The following TPRG1L variants were observed in gnomAD, a reference collection of about 807,000 sequenced individuals.
The protein encoded by TPRG1L is tumor protein p63-regulated gene 1-like protein.
A neutral mutation model predicts 29.4 loss-of-function variants in TPRG1L; 25 were observed. The observed-to-expected ratio is 0.85, with a 90% CI of 0.62 to 1.19. The LOEUF is 1.19. Ranked by LOEUF, TPRG1L falls within the 50% of genes most tolerant of loss-of-function variation. TPRG1L has a pLI of 0.00. For synonymous variants in TPRG1L, 182 were observed against 151.1 expected (o/e 1.20, Z -1.50); for missense variants, 354 against 364.4 (o/e 0.97, Z 0.23).
rs138491149 is a variant in TPRG1L at position 3,625,492 on chromosome 1, C to T, written c.270C>T (p.Ile90=). ...TGCGGCCCGTGGAGGACGGCGAGAT[C>T]CAGGGAGTGTGGCTGCTTACCGAGT... The part of the protein sequence containing the change: ...VVVRPVEDGE[I]QGVWLLTEVD... Residue 90 remains isoleucine (I), a synonymous_variant, in exon 2 of 5, where the codon ATC becomes ATT. Coordinates refer to ENST00000378344, the MANE Select transcript of TPRG1L (RefSeq NM_182752.4). 1.2e-6 allele frequency: 2 copies of T among 1,606,858 alleles called. No individual in the cohort carries two copies. Among genetic ancestry groups the T allele is most frequent in the African/African-American group, 1.3e-5 (1 of 75,014 alleles).
chr1:3,625,179 CG>C lies in TPRG1L; in HGVS notation c.112del (p.Ala38ArgfsTer98). The C allele has an allele frequency of 1.6e-6, 2 of 1,241,094 alleles. No individual in the cohort carries two copies. Among genetic ancestry groups the C allele is most frequent in the Non-Finnish European group, 2.0e-6 (2 of 991,290 alleles). 76.9% of individuals were successfully genotyped at this position (1,241,094 alleles called of 1,614,324 possible). ...GGCGGCGGCCCGGGCGGGGGGCGGCCGGGGGCGGGGACGCCGCTGCGCCAGA... is the reference window on the plus strand; with the variant it reads ...GGCGGCGGCCCGGGCGGGGGGCGGCCGGGGCGGGGACGCCGCTGCGCCAGA... ...GAGGGPGGGR[P>X]GAGTPLRQTL... On this transcript the variant is annotated frameshift_variant, in exon 1 of 5. Coordinates refer to ENST00000378344, the MANE Select transcript of TPRG1L (RefSeq NM_182752.4). LOFTEE classifies it high-confidence loss of function.
rs369478316 is a variant in TPRG1L, at chr1:3,628,538, A to T, written c.754A>T (p.Met252Leu). 9.3e-6 allele frequency: 15 copies of T among 1,613,406 alleles called. No homozygotes were observed. Among genetic ancestry groups the T allele is most frequent in the African/African-American group, 1.3e-5 (1 of 74,790 alleles). The change falls in exon 5 of 5, where the codon ATG (methionine) becomes TTG (leucine). Residue 252 changes from methionine to leucine, a missense_variant. Met to Leu is a conservative substitution (Grantham distance 15, BLOSUM62 2). Coordinates refer to ENST00000378344, the MANE Select transcript of TPRG1L (RefSeq NM_182752.4). ...PLLIETYVGLMSFINNEAKLG... is the reference protein window; with the variant it reads ...PLLIETYVGLLSFINNEAKLG... ...GCTCATCGAGACCTACGTGGGACTCATGTCCTTCATTAACAACGAGGCGAA... is the reference window on the plus strand; with the variant it reads ...GCTCATCGAGACCTACGTGGGACTCTTGTCCTTCATTAACAACGAGGCGAA...
intron 3 of TPRG1L, 140 bp from the exon 4 acceptor site, chr1:3,627,360 C>T: frequency 3.5e-6 from 3 of 857,332 alleles, no homozygotes; most frequent in Admixed American, 5.0e-5. Flanking sequence ...AGCCGTTTTC[C>T]ATTGTGATAT....
chr1:3,628,848 C>G lies in TPRG1L; in HGVS notation c.*245C>G. The G allele has an allele frequency of 5.0e-6, 2 of 398,716 alleles. No homozygotes were observed. Among genetic ancestry groups the G allele is most frequent in the Admixed American group, 8.0e-5 (2 of 24,870 alleles). 24.7% of individuals were successfully genotyped at this position (398,716 alleles called of 1,614,324 possible). On this transcript the variant is annotated 3_prime_UTR_variant, in exon 5 of 5. Transcript: ENST00000378344. ...AGCTACAGACAAAAGCCAAAAGACTCTCGCTGTCCCTGTGCTGCTGGTATT... is the reference window on the plus strand; with the variant it reads ...AGCTACAGACAAAAGCCAAAAGACTGTCGCTGTCCCTGTGCTGCTGGTATT...
Position 3,625,873 on chromosome 1 carries a change from C to T in TPRG1L, c.454C>T (p.Pro152Ser), listed in dbSNP as rs1644484306. 1 of 1,611,548 alleles carries T rather than the reference C, an allele frequency of 6.2e-7. No individual in the cohort carries two copies. Among genetic ancestry groups the T allele is most frequent in the Non-Finnish European group, 8.5e-7 (1 of 1,179,606 alleles). ...TTCCTACGGAGAATTCCAGTTTCCC[C>T]CTAAATCGCTCAACAAGTAAGCCTG... The part of the protein sequence containing the change: ...TISYGEFQFP[P>S]KSLNKREGFG... Residue 152 changes from proline to serine, a missense_variant, in exon 3 of 5, where the codon CCT becomes TCT. By Grantham distance (74) the Pro-to-Ser change is moderately conservative. Transcript: ENST00000378344.
Position 3,626,711 on chromosome 1 carries a change from T to G in TPRG1L, c.471-789T>G, listed in dbSNP as rs111637281. Among the ~76,000 whole-genome samples the G allele has an allele frequency of 6.2e-3, 947 of 151,708 alleles. 8 individuals are homozygous for G. Among genetic ancestry groups the G allele is most frequent in the African/African-American group, 0.022 (911 of 41,334 alleles). Reference sequence around the variant, plus strand: ...CTCTCACCTCAGCCTCCCAAGTAGCTAGGACTACAGGTGCCCGCCACCACA... The same window carrying G: ...CTCTCACCTCAGCCTCCCAAGTAGCGAGGACTACAGGTGCCCGCCACCACA... On this transcript the variant is annotated intron_variant, in intron 3 of 4. Transcript: ENST00000378344.
rs1181234217 is a variant in TPRG1L, at chr1:3,629,881, A to C, written c.*1278A>C. The C allele has an allele frequency of 6.6e-6, 1 of 152,182 alleles. No homozygotes were observed. Among genetic ancestry groups the C allele is most frequent in the East Asian group, 1.9e-4 (1 of 5,176 alleles). The allele number at this position is 152,182 out of a possible 1,614,324, so 9.4% of individuals were successfully genotyped here. A position where few individuals can be genotyped will look rare whatever the true frequency, so the allele number is the denominator to read the frequency against. ...CCCACGCACCTCCCTGTATCTGCGCAGCTTGCTCGTGTGGCTGGAAGCGCT... is the reference window on the plus strand; with the variant it reads ...CCCACGCACCTCCCTGTATCTGCGCCGCTTGCTCGTGTGGCTGGAAGCGCT... On this transcript the variant is annotated 3_prime_UTR_variant, in exon 5 of 5. Transcript: ENST00000378344.
In TPRG1L at chr1:3,625,412, C is replaced by T. The variant is rs1487513897; in HGVS notation, c.202-12C>T. On this transcript the variant is annotated splice_polypyrimidine_tract_variant and intron_variant, in intron 1 of 4. Transcript: ENST00000378344. ...ATCTTTGCCCCCGTCCCCCACCCCG[C>T]AACCCGCCCAGCCCGGCAGCATCGA... 1.3e-6 allele frequency: 2 copies of T among 1,580,482 alleles called. No individual in the cohort carries two copies. The highest frequency in any genetic ancestry group is 1.7e-6 in the Non-Finnish European group (2 of 1,164,582).
chr1:3,625,284 G>A lies in TPRG1L; in HGVS notation c.201+11G>A. The A allele has an allele frequency of 2.1e-6, 3 of 1,418,814 alleles. No homozygotes were observed. The highest frequency in any genetic ancestry group is 2.8e-5 in the East Asian group (1 of 35,088). 87.9% of individuals were successfully genotyped at this position (1,418,814 alleles called of 1,614,324 possible). On this transcript the variant is annotated intron_variant, in intron 1 of 4. Transcript: ENST00000378344. ...TACTTCGTGTTCCGGGTGAGGCAGG[G>A]GCCAGGGCCGGGGCGGGGGCCGAGG... is the stretch of plus-strand genomic sequence containing the variant.
At position 3,628,743 on chromosome 1, in the gene TPRG1L, C is replaced by G; in HGVS notation, c.*140C>G. ...TGCTGCTGGAAGGATGGGGATCTTT[C>G]ACCTTTAGGGATCTCAGCACAATTA... On this transcript the variant is annotated 3_prime_UTR_variant, in exon 5 of 5. Coordinates refer to ENST00000378344, the MANE Select transcript of TPRG1L (RefSeq NM_182752.4). 1.3e-6 allele frequency: 1 copy of G among 753,796 alleles called. No individual in the cohort carries two copies. Among genetic ancestry groups the G allele is most frequent in the Non-Finnish European group, 2.1e-6 (1 of 476,626 alleles). The allele number at this position is 753,796 out of a possible 1,614,324, so 46.7% of individuals were successfully genotyped here.
Position 3,625,156 on chromosome 1 carries a change from C to T in TPRG1L, c.84C>T (p.Gly28=), listed in dbSNP as rs1644473611. The change falls in exon 1 of 5, where the codon GGC becomes GGT. Residue 28 remains glycine, a synonymous_variant. Coordinates refer to ENST00000378344, the MANE Select transcript of TPRG1L (RefSeq NM_182752.4). The stretch of plus-strand genomic sequence containing the variant: ...CGGCCGGCGAGGAGGTGGGGGCAGG[C>T]GGCGGCCCGGGCGGGGGGCGGCCGG... ...VLAAGEEVGA[G]GGPGGGRPGA... 8.1e-7 allele frequency: 1 copy of T among 1,234,752 alleles called. No individual in the cohort carries two copies. Among genetic ancestry groups the T allele is most frequent in the Non-Finnish European group, 1.0e-6 (1 of 985,956 alleles). 76.5% of individuals were successfully genotyped at this position (1,234,752 alleles called of 1,614,324 possible).
intron 4 of TPRG1L, 45 bp downstream of exon 4, chr1:3,627,698 G>A: frequency 6.2e-7 from 1 of 1,607,982 alleles, no homozygotes; most frequent in Non-Finnish European, 8.5e-7. Flanking sequence ...CGCAGTGATG[G>A]AAACACCCCC....
In TPRG1L at chr1:3,628,717, C is replaced by A; in HGVS notation, c.*114C>A. ...GCCTGGCAGTCTTCATGCTGCCCTG[C>A]TGCTGCTGGAAGGATGGGGATCTTT... On this transcript the variant is annotated 3_prime_UTR_variant, in exon 5 of 5. Coordinates refer to ENST00000378344, the MANE Select transcript of TPRG1L (RefSeq NM_182752.4). The A allele has an allele frequency of 1.0e-6, 1 of 1,003,642 alleles. No homozygotes were observed. The highest frequency in any genetic ancestry group is 1.4e-6 in the Non-Finnish European group (1 of 692,060). 62.2% of individuals were successfully genotyped at this position (1,003,642 alleles called of 1,614,324 possible). A position where few individuals can be genotyped will look rare whatever the true frequency, so the allele number is the denominator to read the frequency against.
intron 1 of TPRG1L, 74 bp from the exon 2 acceptor site, chr1:3,625,350 G>C: frequency 6.5e-7 from 1 of 1,533,394 alleles, no homozygotes; most frequent in Admixed American, 2.0e-5. Flanking sequence ...GGAGGCGGGC[G>C]CCGGGCGGTC....
Position 3,625,264 on chromosome 1 carries a change from C to A in TPRG1L, c.192C>A (p.Phe64Leu). 9.4e-6 allele frequency: 13 copies of A among 1,388,970 alleles called. No homozygotes were observed. Among genetic ancestry groups the A allele is most frequent in the Non-Finnish European group, 1.2e-5 (13 of 1,079,926 alleles). The allele number at this position is 1,388,970 out of a possible 1,614,324, so 86.0% of individuals were successfully genotyped here. Residue 64 changes from phenylalanine (F) to leucine (L), a missense_variant, in exon 1 of 5, where the codon TTC becomes TTA. Physicochemically the swap from Phe to Leu is conservative, Grantham distance 22. Coordinates refer to ENST00000378344, the MANE Select transcript of TPRG1L (RefSeq NM_182752.4). Reference protein sequence around the residue: ...PTRRARVKEYFVFRPGSIEQA... With the variant: ...PTRRARVKEYLVFRPGSIEQA... ...GCCGCGCCCGCGTCAAGGAGTACTTCGTGTTCCGGGTGAGGCAGGGGCCAG... is the reference window on the plus strand; with the variant it reads ...GCCGCGCCCGCGTCAAGGAGTACTTAGTGTTCCGGGTGAGGCAGGGGCCAG...
Position 3,628,437 on chromosome 1 carries a change from A to C in TPRG1L, c.653A>C (p.Gln218Pro). 6.2e-7 allele frequency: 1 copy of C among 1,612,140 alleles called. No homozygotes were observed. Residue 218 changes from glutamine (Q) to proline (P), a missense_variant, in exon 5 of 5, where the codon CAA (glutamine) becomes CCA (proline). Physicochemically the swap from Gln to Pro is moderately conservative, Grantham distance 76 (BLOSUM62 -1). Coordinates refer to ENST00000378344, the MANE Select transcript of TPRG1L (RefSeq NM_182752.4). ...GAAAGCTTCAAGGCTCTGTTAATCCAAGCTGTCAAAAAAGCCCAAAAAGAA... is the reference window on the plus strand; with the variant it reads ...GAAAGCTTCAAGGCTCTGTTAATCCCAGCTGTCAAAAAAGCCCAAAAAGAA... The part of the protein sequence containing the change: ...QLESFKALLI[Q>P]AVKKAQKESP...
Position 3,628,608 on chromosome 1 carries a change from T to C in TPRG1L, c.*5T>C. 6.3e-7 allele frequency: 1 copy of C among 1,585,192 alleles called. No individual in the cohort carries two copies. Among genetic ancestry groups the C allele is most frequent in the Non-Finnish European group, 8.6e-7 (1 of 1,161,454 alleles). ...AGGGGCAAAATAGGCTTTTAGCCGCTGCGTTCTGGGAGCTCCTCCCCCTTC... is the reference window on the plus strand; with the variant it reads ...AGGGGCAAAATAGGCTTTTAGCCGCCGCGTTCTGGGAGCTCCTCCCCCTTC... On this transcript the variant is annotated 3_prime_UTR_variant, in exon 5 of 5. Transcript: ENST00000378344.
intron 3 of TPRG1L, among the ~76,000 whole-genome samples, chr1:3,627,081 C>T (rs1349768866): frequency 3.9e-5 from 6 of 152,150 alleles, no homozygotes; most frequent in South Asian, 4.1e-4. Flanking sequence ...GAGGCTGAGG[C>T]GGGCGGATCA....
rs1570280608 is a variant in TPRG1L, at chr1:3,625,195, G to T, written c.123G>T (p.Pro41=). The change falls in exon 1 of 5, where the codon CCG becomes CCT. Residue 41 remains proline (P), a synonymous_variant. Transcript: ENST00000378344. ...PGGGRPGAGT[P]LRQTLWPLSI... ...GGGGGCGGCCGGGGGCGGGGACGCC[G>T]CTGCGCCAGACACTCTGGCCTCTCA... is the stretch of plus-strand genomic sequence containing the variant. 3.2e-6 allele frequency: 4 copies of T among 1,266,708 alleles called. No homozygotes were observed. The highest frequency in any genetic ancestry group is 3.1e-4 in the Middle Eastern group (1 of 3,270). 78.5% of individuals were successfully genotyped at this position (1,266,708 alleles called of 1,614,324 possible). A position where few individuals can be genotyped will look rare whatever the true frequency, so the allele number is the denominator to read the frequency against.
Sources: allele counts gnomAD v4.1 joint callset (sites outside exome capture counted in the v4.1 genomes callset), GRCh38; gene constraint gnomAD v4.1.1; transcripts MANE v1.5; gene names NCBI Gene and HGNC (gene_info 2026-07-23, HGNC 2026-07-21).